FGF14: variants seen among roughly 807,000 people sequenced by gnomAD.
FGF14 encodes the protein fibroblast growth factor homologous factor 4.
A neutral mutation model predicts 25.5 loss-of-function variants in FGF14; 5 were observed. That is an observed-to-expected ratio of 0.20 (90% CI 0.10 to 0.41). FGF14 has a LOEUF of 0.41. FGF14 is among the 10% of genes least tolerant of loss of function. The probability of loss-of-function intolerance (pLI) is 1.00; values close to 1 mark genes in which losing one functional copy is unlikely to be tolerated. For synonymous variants in FGF14, 138 were observed against 118.3 expected (o/e 1.17, Z -1.08); for missense variants, 222 against 320.1 (o/e 0.69, Z 2.34).
At chr13:102,356,713 C>A (rs1207896877) in intron 1 of FGF14, among the ~76,000 whole-genome samples, 2 of 152,100 alleles carry the variant, frequency 1.3e-5, no homozygotes, top group African/African-American at 4.8e-5. Flanking sequence ...TTTCCAATAG[C>A]AGGGCATTGG....
At chr13:102,063,183 G>C (rs2042760750) in intron 1 of FGF14, among the ~76,000 whole-genome samples, 1 of 152,028 alleles carries the variant, frequency 6.6e-6, no homozygotes, top group Non-Finnish European at 1.5e-5. Context: ...ATGACTGTAG[G>C]ACAAAATTTA....
chr13:102,048,639 C>T (rs1467044640), intron 1 of FGF14, among the ~76,000 whole-genome samples: 1 of 152,096 alleles, frequency 6.6e-6, no homozygotes, highest in African/African-American at 2.4e-5. Context: ...GTGTTACCTG[C>T]TGGGGATGAT....
intron 3 of FGF14, among the ~76,000 whole-genome samples, chr13:101,799,179 T>C (rs1372281056): frequency 6.6e-6 from 1 of 152,112 alleles, no homozygotes; most frequent in Non-Finnish European, 1.5e-5. Context: ...TGAAGTCCAT[T>C]TGGGAATGGG....
chr13:102,371,119 GAAAC>G (rs1323342749), intron 1 of FGF14, among the ~76,000 whole-genome samples: 4 of 152,142 alleles, frequency 2.6e-5, no homozygotes, highest in South Asian at 4.2e-4. Context: ...GTATATTCCT[GAAAC>G]AAACAATTAG....
At chr13:102,181,136 T>A (rs550842926) in intron 1 of FGF14, among the ~76,000 whole-genome samples, 1 of 152,162 alleles carries the variant, frequency 6.6e-6, no homozygotes, top group African/African-American at 2.4e-5. Context: ...AGTTTGATGA[T>A]AAAGAAAGCT....
chr13:101,928,819 T>A (rs1284426038), intron 1 of FGF14, among the ~76,000 whole-genome samples: 2 of 149,738 alleles, frequency 1.3e-5, no homozygotes, highest in African/African-American at 2.5e-5. Context: ...CATTATACTC[T>A]CTCCAGAGCA....
chr13:101,858,190 C>T (rs1314833633), intron 3 of FGF14, among the ~76,000 whole-genome samples: 1 of 148,440 alleles, frequency 6.7e-6, no homozygotes, highest in Non-Finnish European at 1.5e-5. Context: ...ACCTCCCATA[C>T]ACTGTCCCTC....
intron 1 of FGF14, among the ~76,000 whole-genome samples, chr13:101,975,908 T>C (rs376093650): frequency 1.3e-5 from 2 of 152,284 alleles, no homozygotes. Flanking sequence ...TTCATATCAA[T>C]AGCCACACAA....
At chr13:101,804,945 A>G (rs1380957152) in intron 3 of FGF14, among the ~76,000 whole-genome samples, 1 of 152,192 alleles carries the variant, frequency 6.6e-6, no homozygotes, top group Non-Finnish European at 1.5e-5. Flanking sequence ...AGATGCAAGC[A>G]TACGGCATCA....
chr13:101,924,881 TAGAATA>T (rs1263211228), intron 1 of FGF14, among the ~76,000 whole-genome samples: 23 of 152,184 alleles, frequency 1.5e-4, no homozygotes, highest in Non-Finnish European at 1.5e-5. Flanking sequence ...GTGACCAGTG[TAGAATA>T]AGAACTCTTA....
intron 1 of FGF14, among the ~76,000 whole-genome samples, chr13:102,030,024 C>CT (rs1230322562): frequency 3.3e-5 from 5 of 152,002 alleles, no homozygotes; most frequent in African/African-American, 1.2e-4. Context: ...ACGGACTCCT[C>CT]TTTTTAGGAG....
chr13:102,083,932 T>C (rs1239281375), intron 1 of FGF14, among the ~76,000 whole-genome samples: 1 of 152,226 alleles, frequency 6.6e-6, no homozygotes, highest in Non-Finnish European at 1.5e-5. Flanking sequence ...TTGCTTAAAG[T>C]AAAAGCCAAA....
At chr13:101,734,661 T>C (rs987359334) in intron 3 of FGF14, among the ~76,000 whole-genome samples, 8 of 152,130 alleles carry the variant, frequency 5.3e-5, no homozygotes, top group African/African-American at 9.7e-5. Context: ...ATAACTATAA[T>C]TAACACCTTA....
intron 1 of FGF14, among the ~76,000 whole-genome samples, chr13:101,907,877 T>G (rs1205343522): frequency 6.6e-6 from 1 of 152,108 alleles, no homozygotes; most frequent in Non-Finnish European, 1.5e-5. Flanking sequence ...ATGCTAAATT[T>G]GATGAGGTCT....
intron 1 of FGF14, among the ~76,000 whole-genome samples, chr13:102,093,788 T>G (rs1198230345): frequency 1.4e-5 from 2 of 139,102 alleles, no homozygotes; most frequent in African/African-American, 2.7e-5. Context: ...TCAAGATAAA[T>G]GAATCCTGTG....
At chr13:102,017,287 A>G (rs1210637723) in intron 1 of FGF14, among the ~76,000 whole-genome samples, 1 of 152,160 alleles carries the variant, frequency 6.6e-6, no homozygotes, top group Non-Finnish European at 1.5e-5. Flanking sequence ...CCAGTAATTA[A>G]CTCAAAGTGG....
At chr13:102,121,970 TC>T (rs1239139684) in intron 1 of FGF14, among the ~76,000 whole-genome samples, 1 of 152,204 alleles carries the variant, frequency 6.6e-6, no homozygotes, top group Non-Finnish European at 1.5e-5. Context: ...AAGTTAGGTT[TC>T]AATGGAATGA....
intron 1 of FGF14, among the ~76,000 whole-genome samples, chr13:101,903,238 G>GGTGTGTAT (rs2031799225): frequency 6.7e-6 from 1 of 149,586 alleles, no homozygotes; most frequent in African/African-American, 2.5e-5. Flanking sequence ...CTCTAATTGT[G>GGTGTGTAT]GTGTGTGTGT....
intron 1 of FGF14, among the ~76,000 whole-genome samples, chr13:102,023,940 C>T (rs1239081694): frequency 3.3e-5 from 5 of 151,944 alleles, no homozygotes. Flanking sequence ...TAGTTGTGGT[C>T]CCACACCAAG....
Sources: allele counts gnomAD v4.1 joint callset (sites outside exome capture counted in the v4.1 genomes callset), GRCh38; gene constraint gnomAD v4.1.1; transcripts MANE v1.5; gene names NCBI Gene and HGNC (gene_info 2026-07-23, HGNC 2026-07-21).